The following OCA2 variants were observed in gnomAD, a reference collection of about 807,000 sequenced individuals.
The protein encoded by OCA2 is P protein.
Under a neutral mutation model 100.2 loss-of-function variants are expected in OCA2, and 77 were observed. The observed-to-expected ratio is 0.77, with a 90% confidence interval of 0.64 to 0.93. The LOEUF is 0.93. OCA2 is among the 40% of genes least tolerant of loss of function. OCA2 has a pLI of 0.00. For missense variants in OCA2, 1,062 were observed against 1,089.1 expected (o/e 0.98, Z 0.35); for synonymous variants, 432 against 439.2 (o/e 0.98, Z 0.21).
At chr15:27,860,580 A>G (rs2036094808) in intron 21 of OCA2, among the ~76,000 whole-genome samples, 1 of 152,216 alleles carries the variant, frequency 6.6e-6, no homozygotes, top group African/African-American at 2.4e-5. Context: ...TGTGAATTCG[A>G]TTAGGATAAT....
At chr15:27,997,107 AAAAG>A (rs1167815292) in intron 9 of OCA2, among the ~76,000 whole-genome samples, 4 of 54,650 alleles carry the variant, frequency 7.3e-5, no homozygotes, top group Non-Finnish European at 1.7e-4. Context: ...AGGAAGAAAG[AAAAG>A]AAAGGAAGGA....
At chr15:27,883,623 G>A (rs577759752) in intron 19 of OCA2, among the ~76,000 whole-genome samples, 1 of 152,282 alleles carries the variant, frequency 6.6e-6, no homozygotes, top group South Asian at 2.1e-4. Context: ...AGGAGGAAAG[G>A]GCGCAGGGCT....
intron 14 of OCA2, among the ~76,000 whole-genome samples, chr15:27,970,308 C>T (rs2040729352): frequency 6.6e-6 from 1 of 151,778 alleles, no homozygotes; most frequent in African/African-American, 2.4e-5. Flanking sequence ...AAAAAAACCC[C>T]ATAAAGGAAA....
chr15:27,806,318 G>A (rs1022069077), intron 23 of OCA2, among the ~76,000 whole-genome samples: 1 of 152,226 alleles, frequency 6.6e-6, no homozygotes, highest in Middle Eastern at 3.2e-3. Context: ...CAACTGTTAC[G>A]GAGCCTGAGA....
chr15:27,819,712 A>G lies in OCA2; in HGVS notation c.2432+25247T>C, dbSNP rs796622593. On this transcript the variant is annotated intron_variant, in intron 23 of 23. Transcript: ENST00000354638. ...TAGAACTATTCATAGACCAATGTAT[A>G]TAAATGTGTGTGTGTGTATACAAAC... Among the ~76,000 whole-genome samples, 56 of 115,782 alleles carry G rather than the reference A, an allele frequency of 4.8e-4. 1 individual carries two copies. The highest frequency in any genetic ancestry group is 1.6e-3 in the African/African-American group (54 of 34,420). The allele number at this position is 115,782 out of a possible 152,430, so 76.0% of individuals were successfully genotyped here.
rs143518401 is a variant in OCA2, at chr15:27,768,065, G to A, written c.2433-12593C>T. Among the ~76,000 whole-genome samples, 4 of 152,276 alleles carry A rather than the reference G, an allele frequency of 2.6e-5. No individual in the cohort carries two copies. The East Asian group carries it at 7.8e-4, about 30-fold the overall frequency. On this transcript the variant is annotated intron_variant, in intron 23 of 23. Coordinates refer to ENST00000354638, the MANE Select transcript of OCA2 (RefSeq NM_000275.3). ...CTTCCAGCTGAAAGCGGTTGGAAAGGCAGACTTGCAGCTGTGACCTGGCGC... is the reference window on the plus strand; with the variant it reads ...CTTCCAGCTGAAAGCGGTTGGAAAGACAGACTTGCAGCTGTGACCTGGCGC...
At chr15:27,992,081 G>A (rs923056688) in intron 9 of OCA2, among the ~76,000 whole-genome samples, 1 of 147,296 alleles carries the variant, frequency 6.8e-6, no homozygotes, top group African/African-American at 2.5e-5. Flanking sequence ...TTCGTTCTCT[G>A]CTTTTCAGTC....
intron 19 of OCA2, among the ~76,000 whole-genome samples, chr15:27,890,834 T>C (rs1018287092): frequency 2.6e-5 from 4 of 152,120 alleles, no homozygotes; most frequent in Non-Finnish European, 5.9e-5. Flanking sequence ...AAGACCATCC[T>C]GGCCAACATG....
chr15:27,833,954 C>T (rs1342073942), intron 23 of OCA2, among the ~76,000 whole-genome samples: 4 of 152,230 alleles, frequency 2.6e-5, no homozygotes, highest in Admixed American at 1.3e-4. Context: ...TAAAAATATT[C>T]GGTCTTTGTC....
intron 11 of OCA2, among the ~76,000 whole-genome samples, chr15:27,988,810 G>A: frequency 6.6e-6 from 1 of 152,190 alleles, no homozygotes; most frequent in Middle Eastern, 3.2e-3. Flanking sequence ...GTGAAGCCAG[G>A]GTTAGAGCAC....
intron 22 of OCA2, 94 bp downstream of exon 22, chr15:27,851,288 T>G: frequency 9.7e-7 from 1 of 1,033,002 alleles, no homozygotes; most frequent in Non-Finnish European, 1.5e-6. Flanking sequence ...CTCTCCTTCA[T>G]TTGCTTTTAA....
intron 21 of OCA2, among the ~76,000 whole-genome samples, chr15:27,852,581 T>C (rs1158171705): frequency 1.3e-5 from 2 of 152,116 alleles, no homozygotes; most frequent in African/African-American, 4.8e-5. Flanking sequence ...ATGGGATTAA[T>C]TAAACTAAAG....
intron 6 of OCA2, among the ~76,000 whole-genome samples, chr15:28,021,196 G>A (rs527520381): frequency 6.6e-5 from 10 of 152,252 alleles, no homozygotes; most frequent in South Asian, 4.1e-4. Flanking sequence ...GACCCTCCAC[G>A]GATGCCCGCC....
intron 2 of OCA2, among the ~76,000 whole-genome samples, chr15:28,077,053 T>C (rs983877103): frequency 6.6e-6 from 1 of 151,810 alleles, no homozygotes; most frequent in East Asian, 1.9e-4. Flanking sequence ...CACTCTGTGC[T>C]TAATTTGTTT....
chr15:27,721,962 C>T, the OCA2 span, among the ~76,000 whole-genome samples: 29 of 152,314 alleles, frequency 1.9e-4, 1 homozygote, highest in East Asian at 3.5e-3. Context: ...ACTGATATTT[C>T]TTCTAAAATT....
rs548820279 is a variant in OCA2 at position 28,074,457 on chromosome 15, G to A, written c.227+7191C>T. Among the ~76,000 whole-genome samples, 15 of 152,080 alleles carry A rather than the reference G, an allele frequency of 9.9e-5. No individual in the cohort carries two copies. The South Asian group carries it at 1.2e-3, about 13-fold the overall frequency. ...TGGGAGGCCGAGGCGGGCGGATCACGAGGTCAGGAGATCGAGACCATCCTG... is the reference window on the plus strand; with the variant it reads ...TGGGAGGCCGAGGCGGGCGGATCACAAGGTCAGGAGATCGAGACCATCCTG... On this transcript the variant is annotated intron_variant, in intron 2 of 23. Coordinates refer to ENST00000354638, the MANE Select transcript of OCA2 (RefSeq NM_000275.3).
intron 7 of OCA2, among the ~76,000 whole-genome samples, chr15:28,016,889 CTGCAACTGCT>C (rs779860732): frequency 6.6e-6 from 1 of 152,196 alleles, no homozygotes; most frequent in Non-Finnish European, 1.5e-5. Flanking sequence ...AGAACTGCTT[CTGCAACTGCT>C]TGCAACCTGG....
At chr15:27,784,663 G>C (rs899743107) in intron 23 of OCA2, among the ~76,000 whole-genome samples, 1 of 152,090 alleles carries the variant, frequency 6.6e-6, no homozygotes, top group Admixed American at 6.5e-5. Context: ...AACATCAAAT[G>C]AAATGCTAGA....
intron 23 of OCA2, among the ~76,000 whole-genome samples, chr15:27,783,610 T>C (rs1289529772): frequency 6.6e-6 from 1 of 152,156 alleles, no homozygotes; most frequent in Non-Finnish European, 1.5e-5. Flanking sequence ...GACACCACTA[T>C]GAAGAGTTCG....
Sources: gnomAD v4.1 joint callset for allele counts (sites outside exome capture counted in the v4.1 genomes callset) on GRCh38, gnomAD v4.1.1 for gene constraint, MANE v1.5 for transcripts, NCBI Gene and HGNC (gene_info 2026-07-23, HGNC 2026-07-21) for gene names.